HNF1B: variants seen among roughly 807,000 people sequenced by gnomAD.
The protein encoded by HNF1B is hepatocyte nuclear factor 1-beta.
Under a neutral mutation model 61.7 loss-of-function variants are expected in HNF1B, and 8 were observed. The ratio of observed to expected loss-of-function variants is 0.13; its 90% CI spans 0.08 to 0.23. The LOEUF is 0.23. Ranked by LOEUF, HNF1B falls within the 10% of genes least tolerant of loss-of-function variation. The pLI is 1.00. For missense variants in HNF1B, 562 were observed against 714.5 expected, an observed-to-expected ratio of 0.79 and a Z score of 2.43; for synonymous variants, 314 against 287.7, an observed-to-expected ratio of 1.09 and a Z score of -0.93.
At chr17:37,729,868 A>G (rs924432893) in intron 4 of HNF1B, 1 of 141,174 alleles carries the variant, frequency 7.1e-6, no homozygotes, top group African/African-American at 2.8e-5. Flanking sequence ...AGATTTTTAG[A>G]AAGATCCAGA....
chr17:37,688,596 C>G (rs1182914473), intron 8 of HNF1B, among the ~76,000 whole-genome samples: 2 of 152,278 alleles, frequency 1.3e-5, no homozygotes, highest in African/African-American at 2.4e-5. Flanking sequence ...GCCACAGCTT[C>G]AAACTAGCTG....
intron 1 of HNF1B, among the ~76,000 whole-genome samples, chr17:37,741,826 A>G (rs2034000349): frequency 6.6e-6 from 1 of 152,178 alleles, no homozygotes; most frequent in African/African-American, 2.4e-5. Flanking sequence ...TAGCCCAACA[A>G]TTGGGGAGGG....
At chr17:37,710,690 G>T in intron 4 of HNF1B, 27 bp from the exon 5 acceptor site, 1 of 1,605,486 alleles carries the variant, frequency 6.2e-7, no homozygotes, top group Non-Finnish European at 8.5e-7. Flanking sequence ...ACCCAGTAGG[G>T]AACATTAGTG....
intron 5 of HNF1B, among the ~76,000 whole-genome samples, chr17:37,708,977 TA>T (rs1476183430): frequency 6.6e-6 from 1 of 152,090 alleles, no homozygotes; most frequent in African/African-American, 2.4e-5. Flanking sequence ...CGTCAAGATC[TA>T]AAATGGCCTC....
intron 4 of HNF1B, among the ~76,000 whole-genome samples, chr17:37,725,934 C>G (rs753726978): frequency 5.3e-5 from 8 of 152,192 alleles, no homozygotes; most frequent in Non-Finnish European, 1.2e-4. Context: ...GGGATGGGGT[C>G]ATGAAAGAGG....
intron 6 of HNF1B, among the ~76,000 whole-genome samples, chr17:37,702,415 G>T (rs1244992155): frequency 2.6e-5 from 4 of 152,146 alleles, no homozygotes; most frequent in African/African-American, 9.7e-5. Context: ...CCTGGGTGGG[G>T]GCTGGGGGTG....
intron 1 of HNF1B, among the ~76,000 whole-genome samples, chr17:37,742,113 C>T (rs2034009422): frequency 6.6e-6 from 1 of 152,248 alleles, no homozygotes; most frequent in African/African-American, 2.4e-5. Flanking sequence ...AAACGCCGGC[C>T]GCGGCGCCCG....
At chr17:37,736,349 C>A (rs548189699) in intron 2 of HNF1B, among the ~76,000 whole-genome samples, 2 of 152,320 alleles carry the variant, frequency 1.3e-5, no homozygotes, top group East Asian at 3.9e-4. Context: ...TTTATTGAAC[C>A]TTTTCTGTGG....
intron 1 of HNF1B, among the ~76,000 whole-genome samples, chr17:37,743,559 C>T (rs1399453987): frequency 6.6e-6 from 1 of 152,260 alleles, no homozygotes; most frequent in Non-Finnish European, 1.5e-5. Flanking sequence ...GGCCAAGGCT[C>T]AGCCCCGAAA....
At position 37,699,119 on chromosome 17, in the gene HNF1B, G is replaced by T. The variant is rs753796007; in HGVS notation, c.1610C>A (p.Thr537Asn). 2 of 1,614,074 alleles carry T rather than the reference G, an allele frequency of 1.2e-6. No individual in the cohort carries two copies. The highest frequency in any genetic ancestry group is 1.7e-6 in the Non-Finnish European group (2 of 1,179,984). ...GTTGGTGAGTGTACTGATGCTGCTGGTATCTGTGACCACCATTGCAGATGG... is the reference window on the plus strand; with the variant it reads ...GTTGGTGAGTGTACTGATGCTGCTGTTATCTGTGACCACCATTGCAGATGG... Reference protein sequence around the residue: ...RFPSAMVVTDTSSISTLTNMS... With the variant: ...RFPSAMVVTDNSSISTLTNMS... The change falls in exon 8 of 9, where the codon ACC becomes AAC. Residue 537 changes from threonine to asparagine, a missense_variant. This residue lies in a region of HNF1B where 64 missense variants were observed against 96.9 expected (regional missense o/e 0.66). Transcript: ENST00000617811.
At chr17:37,704,328 T>C (rs1477325398) in intron 6 of HNF1B, among the ~76,000 whole-genome samples, 2 of 152,178 alleles carry the variant, frequency 1.3e-5, no homozygotes, top group East Asian at 3.9e-4. Context: ...TTTTTCTCCT[T>C]AAAGTTTTCA....
chr17:37,726,206 T>C (rs2033492306), intron 4 of HNF1B, among the ~76,000 whole-genome samples: 1 of 152,080 alleles, frequency 6.6e-6, no homozygotes, highest in Non-Finnish European at 1.5e-5. Flanking sequence ...GAAAAGTTCT[T>C]AGCATCTGCA....
Position 37,686,949 on chromosome 17 carries a change from G to A in HNF1B, c.*423C>T, listed in dbSNP as rs2031989389. ...TCATTTGGGATGGGGGCAGGGGAGGGAGTCTGTGGATATTTACAGTGTGTT... is the reference window on the plus strand; with the variant it reads ...TCATTTGGGATGGGGGCAGGGGAGGAAGTCTGTGGATATTTACAGTGTGTT... On this transcript the variant is annotated 3_prime_UTR_variant, in exon 9 of 9. Coordinates refer to ENST00000617811, the MANE Select transcript of HNF1B (RefSeq NM_000458.4). The A allele has an allele frequency of 5.3e-6, 2 of 375,862 alleles. No individual in the cohort carries two copies. The allele number at this position is 375,862 out of a possible 1,614,324, so 23.3% of individuals were successfully genotyped here. A position where few individuals can be genotyped will look rare whatever the true frequency, so the allele number is the denominator to read the frequency against.
chr17:37,708,786 C>G (rs1029333561), intron 5 of HNF1B, among the ~76,000 whole-genome samples: 1 of 152,186 alleles, frequency 6.6e-6, no homozygotes, highest in Non-Finnish European at 1.5e-5. Flanking sequence ...ATGCCTCCCC[C>G]AGGAATGCCC....
chr17:37,703,063 C>T (rs1252706158), intron 6 of HNF1B, among the ~76,000 whole-genome samples: 1 of 152,192 alleles, frequency 6.6e-6, no homozygotes, highest in African/African-American at 2.4e-5. Context: ...CCACCTTCTC[C>T]ACAGGCTTCC....
chr17:37,714,405 AGG>A (rs1167831203), intron 4 of HNF1B, among the ~76,000 whole-genome samples: 8 of 152,204 alleles, frequency 5.3e-5, no homozygotes, highest in African/African-American at 1.9e-4. Context: ...ACATATGACA[AGG>A]GCTCTGGTTT....
At chr17:37,733,480 A>AT (rs563311287) in intron 3 of HNF1B, 77 bp downstream of exon 3, 125 of 1,540,240 alleles carry the variant, frequency 8.1e-5, no homozygotes, top group Non-Finnish European at 8.2e-5. Flanking sequence ...TAGTGTCTCA[A>AT]TATCCCAGGA....
In HNF1B at chr17:37,692,090, A is replaced by T. The variant is rs77288037; in HGVS notation, c.1654-4698T>A. On this transcript the variant is annotated intron_variant, in intron 8 of 8. Coordinates refer to ENST00000617811, the MANE Select transcript of HNF1B (RefSeq NM_000458.4). ...AACTCAGGCACAAACCCACTCAGAGATAACTTGCCAGCACCCAAGAGTTGA... is the reference window on the plus strand; with the variant it reads ...AACTCAGGCACAAACCCACTCAGAGTTAACTTGCCAGCACCCAAGAGTTGA... 5.7e-3 allele frequency among the ~76,000 whole-genome samples: 868 copies of T among 152,332 alleles called. 10 individuals are homozygous for T. The highest frequency in any genetic ancestry group is 0.02 in the African/African-American group (822 of 41,570).
intron 4 of HNF1B, among the ~76,000 whole-genome samples, chr17:37,727,243 C>T (rs1387850068): frequency 6.6e-6 from 1 of 152,188 alleles, no homozygotes; most frequent in Non-Finnish European, 1.5e-5. Context: ...GCCATCACTC[C>T]AGACCTGCTC....
Sources: gnomAD v4.1 joint callset for allele counts (sites outside exome capture counted in the v4.1 genomes callset) on GRCh38, gnomAD v4.1.1 for gene constraint, gnomAD v4.1.1 regional missense constraint, MANE v1.5 for transcripts, NCBI Gene and HGNC (gene_info 2026-07-23, HGNC 2026-07-21) for gene names.